The following POLR3E variants were observed in gnomAD, a reference collection of about 807,000 sequenced individuals.
POLR3E encodes the protein DNA-directed RNA polymerase III subunit RPC5.
Under a neutral mutation model 96.6 loss-of-function variants are expected in POLR3E, and 41 were observed. The observed-to-expected ratio is 0.42, with a 90% CI of 0.33 to 0.55. The LOEUF is 0.55. Among genes scored for constraint, POLR3E ranks in the 20% least tolerant of loss-of-function variants. The pLI is 0.06. For missense variants in POLR3E, 849 were observed against 952.1 expected (o/e 0.89, Z 1.43); for synonymous variants, 396 against 383.6 (o/e 1.03, Z -0.38).
rs762078477 is a variant in POLR3E, at chr16:22,328,510, T to C, written c.1867T>C (p.Phe623Leu). The C allele has an allele frequency of 6.2e-7, 1 of 1,613,798 alleles. No homozygotes were observed. The highest frequency in any genetic ancestry group is 8.5e-7 in the Non-Finnish European group (1 of 1,179,766). The change falls in exon 19 of 21, where the codon TTT (phenylalanine) becomes CTT (leucine). Residue 623 changes from phenylalanine (F) to leucine (L), a missense_variant and splice_region_variant. Transcript: ENST00000299853. ...AAGCKQILVP[F>L]PPQTAASPDE... ...CAACTCACCCCTGGGCCTTGGTCAGTTTCCCCCCCAGACTGCTGCTTCCCC... is the reference window on the plus strand; with the variant it reads ...CAACTCACCCCTGGGCCTTGGTCAGCTTCCCCCCCAGACTGCTGCTTCCCC...
At chr16:22,304,107 G>T (rs558275693) in intron 2 of POLR3E, among the ~76,000 whole-genome samples, 2 of 152,046 alleles carry the variant, frequency 1.3e-5, no homozygotes, top group Non-Finnish European at 2.9e-5. Flanking sequence ...CACCATGGCC[G>T]GCACAGGTTT....
rs772220112 is a variant in POLR3E, at chr16:22,325,928, G to A, written c.1516G>A (p.Gly506Ser). 1 of 1,597,822 alleles carries A rather than the reference G, an allele frequency of 6.3e-7. No homozygotes were observed. The highest frequency in any genetic ancestry group is 1.8e-5 in the Admixed American group (1 of 56,620). Residue 506 changes from glycine to serine, a missense_variant, in exon 18 of 21, where the codon GGC (glycine) becomes AGC (serine). Gly to Ser is a moderately conservative substitution (Grantham distance 56, BLOSUM62 0). Transcript: ENST00000299853. ...CAAGGAGGAGCCCGTGAGCGAGGAG[G>A]GCGAGGAGGACGAGGAGCAGGAGGC... Reference protein sequence around the residue: ...RIKEEPVSEEGEEDEEQEAEE... With the variant: ...RIKEEPVSEESEEDEEQEAEE...
At chr16:22,331,222 G>A (rs576992318) in intron 19 of POLR3E, among the ~76,000 whole-genome samples, 3 of 152,012 alleles carry the variant, frequency 2.0e-5, no homozygotes, top group East Asian at 3.9e-4. Flanking sequence ...CAGGTAATCC[G>A]CCTGCCTCGG....
chr16:22,329,400 TGTA>T (rs370348346), intron 19 of POLR3E, among the ~76,000 whole-genome samples: 23 of 152,228 alleles, frequency 1.5e-4, no homozygotes, highest in African/African-American at 4.8e-4. Flanking sequence ...GTGTGTGTGG[TGTA>T]GTCATGGACC....
rs2048395741 is a variant in POLR3E at position 22,318,049 on chromosome 16, C to G, written c.866-777C>G. ...TTAGGAGTCTAAGGAGAGAGGGGAG[C>G]TCCATGATATGCTCGGGATTTTAGG... On this transcript the variant is annotated intron_variant, in intron 12 of 20. Transcript: ENST00000299853. The surrounding 1 kb of genome is among the most constrained non-coding windows in gnomAD (Gnocchi z 5.0). 6.6e-6 allele frequency among the ~76,000 whole-genome samples: 1 copy of G among 151,906 alleles called. No homozygotes were observed. The highest frequency in any genetic ancestry group is 6.6e-5 in the Admixed American group (1 of 15,258).
Position 22,332,089 on chromosome 16 carries a change from C to T in POLR3E, c.1974C>T (p.Ser658=), listed in dbSNP as rs2048752795. The change falls in exon 20 of 21, where the codon TCC becomes TCT. Residue 658 remains serine, a synonymous_variant. Transcript: ENST00000299853. ...QHRQVLLEIF[S]KNYRVRRNMI... is the part of the protein sequence containing the mutation. ...GACAGGTTTTGCTTGAAATTTTTTC[C>T]AAAAATTACCGGGTACGCCGAAACA... 1 of 1,612,926 alleles carries T rather than the reference C, an allele frequency of 6.2e-7. No individual in the cohort carries two copies. The highest frequency in any genetic ancestry group is 8.5e-7 in the Non-Finnish European group (1 of 1,179,372).
intron 2 of POLR3E, 129 bp from the exon 3 acceptor site, chr16:22,305,027 C>T (rs2048105613): frequency 2.6e-6 from 2 of 765,004 alleles, no homozygotes; most frequent in Non-Finnish European, 2.4e-6. Flanking sequence ...ATGAGCTGAG[C>T]TATTTCCTCC....
chr16:22,310,565 G>T (rs964730536), intron 6 of POLR3E, among the ~76,000 whole-genome samples: 3 of 151,234 alleles, frequency 2.0e-5, no homozygotes, highest in African/African-American at 7.3e-5. Context: ...GGGATTACAG[G>T]TGTGAGCCAC....
rs906234933 is a variant in POLR3E at position 22,313,202 on chromosome 16, TAAG to T, written c.365-414_365-412del. The stretch of plus-strand genomic sequence containing the variant: ...GATTTTGGCGGGAAAAGATGGAGGA[TAAG>T]AAGGAGAGGAAATCCAGGTGTGTGG... On this transcript the variant is annotated intron_variant, in intron 6 of 20. Coordinates refer to ENST00000299853, the MANE Select transcript of POLR3E (RefSeq NM_018119.4). This position sits in a 1 kb window ranked among gnomAD's most constrained non-coding sequence, Gnocchi z 4.1. Among the ~76,000 whole-genome samples, 30 of 151,908 alleles carry T rather than the reference TAAG, an allele frequency of 2.0e-4. 1 individual carries two copies. Among genetic ancestry groups the T allele is most frequent in the African/African-American group, 4.8e-5 (2 of 41,346 alleles).
chr16:22,328,912 G>A, intron 19 of POLR3E: 1 of 314,322 alleles, frequency 3.2e-6, no homozygotes, highest in South Asian at 2.8e-5. Flanking sequence ...GATCACCTGA[G>A]GTTGGGAGTT....
chr16:22,332,987 TTTTTG>T (rs2048773671), intron 20 of POLR3E, among the ~76,000 whole-genome samples: 1 of 147,106 alleles, frequency 6.8e-6, no homozygotes, highest in South Asian at 2.3e-4. Context: ...TTTTTTTTTT[TTTTTG>T]AGATGGAGTT....
Position 22,313,594 on chromosome 16 carries a change from A to T in POLR3E, c.365-26A>T. 1 of 1,531,758 alleles carries T rather than the reference A, an allele frequency of 6.5e-7. No individual in the cohort carries two copies. Among genetic ancestry groups the T allele is most frequent in the Non-Finnish European group, 9.0e-7 (1 of 1,105,706 alleles). 94.9% of individuals were successfully genotyped at this position (1,531,758 alleles called of 1,614,324 possible). A position where few individuals can be genotyped will look rare whatever the true frequency, so the allele number is the denominator to read the frequency against. ...CAAACTGGGTGGGTTTCTAGAGTTG[A>T]GTCCAAGCCCTTCTTCCTCCGCCAG... On this transcript the variant is annotated intron_variant, in intron 6 of 20. Transcript: ENST00000299853. The surrounding 1 kb of genome is among the most constrained non-coding windows in gnomAD (Gnocchi z 4.1).
chr16:22,299,449 C>T (rs541807387), intron 1 of POLR3E, among the ~76,000 whole-genome samples: 2 of 145,128 alleles, frequency 1.4e-5, no homozygotes, highest in Admixed American at 6.9e-5. Context: ...AGTCTTGTTC[C>T]GTTGCCCAGA....
At chr16:22,314,714 G>A (rs1285276829) in intron 8 of POLR3E, among the ~76,000 whole-genome samples, 1 of 152,178 alleles carries the variant, frequency 6.6e-6, no homozygotes, top group Non-Finnish European at 1.5e-5. Flanking sequence ...ACATGGAGGT[G>A]GCGCAGGGAG....
In POLR3E at chr16:22,316,828, G is replaced by T. The variant is rs1460282769; in HGVS notation, c.728+142G>T. On this transcript the variant is annotated intron_variant, in intron 10 of 20. Transcript: ENST00000299853. ...TTGTCCCCTGGAGAAGGCCAGGAGG[G>T]TGGGCCTGGAAAGAGATGGTCCACT... 3.1e-6 allele frequency: 3 copies of T among 972,544 alleles called. No homozygotes were observed. The African/African-American group carries it at 4.8e-5, about 16-fold the overall frequency. 60.2% of individuals were successfully genotyped at this position (972,544 alleles called of 1,614,324 possible). A position where few individuals can be genotyped will look rare whatever the true frequency, so the allele number is the denominator to read the frequency against.
At chr16:22,331,303 A>ATTGT (rs2048735672) in intron 19 of POLR3E, 1 of 152,104 alleles carries the variant, frequency 6.6e-6, no homozygotes, top group Non-Finnish European at 1.5e-5. Flanking sequence ...GAGAGTTTCC[A>ATTGT]TTGTTTAAGT....
Position 22,324,626 on chromosome 16 carries a change from C to A in POLR3E, c.1252C>A (p.Arg418=), listed in dbSNP as rs1301796872. The change falls in exon 16 of 21, where the codon CGG becomes AGG. Residue 418 remains arginine (R), a synonymous_variant. Transcript: ENST00000299853. The part of the protein sequence containing the change: ...FIKKHPDVVQ[R]QHMLWTGIQA... ...CAAGAAGCACCCGGATGTGGTCCAGCGGCAGCACATGCTGTGGACGGGTAT... is the reference window on the plus strand; with the variant it reads ...CAAGAAGCACCCGGATGTGGTCCAGAGGCAGCACATGCTGTGGACGGGTAT... 1 of 1,613,842 alleles carries A rather than the reference C, an allele frequency of 6.2e-7. No individual in the cohort carries two copies. Among genetic ancestry groups the A allele is most frequent in the South Asian group, 1.1e-5 (1 of 91,076 alleles).
Position 22,313,347 on chromosome 16 carries a change from C to A in POLR3E, c.365-273C>A, listed in dbSNP as rs1355231992. On this transcript the variant is annotated intron_variant, in intron 6 of 20. Coordinates refer to ENST00000299853, the MANE Select transcript of POLR3E (RefSeq NM_018119.4). The surrounding 1 kb of genome is among the most constrained non-coding windows in gnomAD (Gnocchi z 4.1). ...GCAGCTGGGGAGAGGGGCGTGGAAC[C>A]AGACTGGGAGGTGGGACTGAAGGAA... Among the ~76,000 whole-genome samples, 1 of 152,132 alleles carries A rather than the reference C, an allele frequency of 6.6e-6. No individual in the cohort carries two copies. The highest frequency in any genetic ancestry group is 1.5e-5 in the Non-Finnish European group (1 of 68,014).
At chr16:22,300,645 A>C (rs914760672) in intron 1 of POLR3E, among the ~76,000 whole-genome samples, 1 of 152,198 alleles carries the variant, frequency 6.6e-6, no homozygotes, top group African/African-American at 2.4e-5. Flanking sequence ...TCCGCTCTAC[A>C]CTGCCCTCTG....
Sources: gnomAD v4.1 joint callset for allele counts (sites outside exome capture counted in the v4.1 genomes callset) on GRCh38, gnomAD v4.1.1 for gene constraint, Gnocchi (gnomAD v3.1) non-coding constraint, MANE v1.5 for transcripts, NCBI Gene and HGNC (gene_info 2026-07-23, HGNC 2026-07-21) for gene names.